The following PREP variants were observed in gnomAD, a reference collection of about 807,000 sequenced individuals.
PREP encodes dJ355L5.1 (prolyl endopeptidase).
A neutral mutation model predicts 87.6 loss-of-function variants in PREP; 29 were observed. The observed-to-expected ratio is 0.33, with a 90% confidence interval of 0.25 to 0.45. PREP has a LOEUF of 0.45. Ranked by LOEUF, PREP falls within the 20% of genes least tolerant of loss-of-function variation. The pLI is 1.00. For missense variants in PREP, 695 were observed against 886.5 expected (o/e 0.78, Z 2.74); for synonymous variants, 337 against 328.6 (o/e 1.03, Z -0.28).
Position 105,278,189 on chromosome 6 carries a change from C to T in PREP, c.2088G>A (p.Met696Ile). 6.2e-7 allele frequency: 1 copy of T among 1,614,116 alleles called. No individual in the cohort carries two copies. The highest frequency in any genetic ancestry group is 8.5e-7 in the Non-Finnish European group (1 of 1,179,964). The change falls in exon 15 of 15, where the codon ATG becomes ATA. Residue 696 changes from methionine (M) to isoleucine (I), a missense_variant. By Grantham distance (10) the Met-to-Ile change is conservative (BLOSUM62 1). Around this residue, in one of 5 missense-constraint regions of PREP, gnomAD observed 121 missense variants for 154.8 expected, o/e 0.78. Transcript: ENST00000652536. This position sits in a 1 kb window ranked among gnomAD's most constrained non-coding sequence, Gnocchi z 4.2. ...TAKVIEEVSD[M>I]FAFIARCLNV... The stretch of plus-strand genomic sequence containing the variant: ...TCAGGCACCGCGCGATGAACGCAAA[C>T]ATGTCTGAGACTTCCTCTATCACTT...
At position 105,328,893 on chromosome 6, in the gene PREP, T is replaced by G; in HGVS notation, c.1149A>C (p.Val383=). The stretch of plus-strand genomic sequence containing the variant: ...TGTCCTTCTTCTGACCGCTGTACCC[T>G]ACAATGCTGCCGACATCGAGCGGGA... The part of the protein sequence containing the change: ...KTFPLDVGSI[V]GYSGQKKDTE... Residue 383 remains valine (V), a synonymous_variant, in exon 9 of 15, where the codon GTA becomes GTC. Coordinates refer to ENST00000652536, the MANE Select transcript of PREP (RefSeq NM_002726.5). 1 of 1,614,126 alleles carries G rather than the reference T, an allele frequency of 6.2e-7. No homozygotes were observed.
intron 7 of PREP, among the ~76,000 whole-genome samples, chr6:105,339,140 G>A (rs1771563169): frequency 1.3e-5 from 2 of 152,202 alleles, no homozygotes; most frequent in African/African-American, 4.8e-5. Context: ...TCCCAGTAGG[G>A]GCTGATTGAC....
chr6:105,322,204 T>A, intron 10 of PREP: 3 of 767,286 alleles, frequency 3.9e-6, no homozygotes, highest in South Asian at 6.2e-5. Flanking sequence ...CCCTACAGGA[T>A]CTCCCTCCAG....
chr6:105,364,914 T>A (rs1037324418), intron 6 of PREP, among the ~76,000 whole-genome samples: 1 of 152,084 alleles, frequency 6.6e-6, no homozygotes, highest in African/African-American at 2.4e-5. Flanking sequence ...AACAATTAAA[T>A]AAAAGCAACA....
intron 10 of PREP, among the ~76,000 whole-genome samples, chr6:105,310,417 A>G (rs2756320): frequency 0.23 from 34,427 of 152,032 alleles, 8,021 homozygotes; most frequent in African/African-American, 0.6. Flanking sequence ...TTCAGCCCTC[A>G]TCAGCCCTAC....
At chr6:105,363,331 T>G (rs369194046) in intron 6 of PREP, among the ~76,000 whole-genome samples, 8 of 152,306 alleles carry the variant, frequency 5.3e-5, no homozygotes, top group African/African-American at 1.9e-4. Context: ...AGTGTTTGAT[T>G]TCTTTAGGAT....
At chr6:105,330,029 A>C (rs1771282968) in intron 8 of PREP, among the ~76,000 whole-genome samples, 1 of 152,168 alleles carries the variant, frequency 6.6e-6, no homozygotes, top group Non-Finnish European at 1.5e-5. Flanking sequence ...AAGGAATAGA[A>C]AGGACAGAAG....
intron 2 of PREP, among the ~76,000 whole-genome samples, chr6:105,397,140 G>A (rs1038800446): frequency 3.4e-5 from 5 of 145,266 alleles, no homozygotes; most frequent in African/African-American, 5.3e-5. Context: ...AGCCAAGATC[G>A]CACCAGTGCC....
At chr6:105,281,123 G>A (rs1770072187) in intron 14 of PREP, 1 of 152,232 alleles carries the variant, frequency 6.6e-6, no homozygotes, top group Non-Finnish European at 1.5e-5. Context: ...CAAAGTCAAG[G>A]TGTTGGCTGG....
intron 7 of PREP, among the ~76,000 whole-genome samples, chr6:105,335,999 T>G (rs1771467116): frequency 6.6e-6 from 1 of 152,268 alleles, no homozygotes; most frequent in Non-Finnish European, 1.5e-5. Context: ...GGCTCACATC[T>G]GTAATCCCAG....
At chr6:105,365,149 A>C (rs537606306) in intron 6 of PREP, among the ~76,000 whole-genome samples, 108 of 152,342 alleles carry the variant, frequency 7.1e-4, no homozygotes, top group African/African-American at 2.5e-3. Flanking sequence ...CGGGAGGCTG[A>C]GGCAAGAGAA....
chr6:105,382,312 C>CACAA (rs1463911418), intron 2 of PREP, among the ~76,000 whole-genome samples: 1 of 144,936 alleles, frequency 6.9e-6, no homozygotes, highest in African/African-American at 2.6e-5. Context: ...CACACACACA[C>CACAA]AAAGTATGTG....
At chr6:105,339,146 T>A (rs368044013) in intron 7 of PREP, among the ~76,000 whole-genome samples, 3 of 152,196 alleles carry the variant, frequency 2.0e-5, no homozygotes, top group Admixed American at 6.5e-5. Context: ...TAGGGGCTGA[T>A]TGACACCTCA....
chr6:105,296,840 T>C (rs183628994), intron 10 of PREP, among the ~76,000 whole-genome samples: 25 of 152,350 alleles, frequency 1.6e-4, no homozygotes, highest in Admixed American at 1.6e-3. Flanking sequence ...TTTTCTATAC[T>C]TGGCTGTCTC....
intron 6 of PREP, among the ~76,000 whole-genome samples, chr6:105,356,468 G>A (rs1395965630): frequency 7.2e-5 from 11 of 152,166 alleles, no homozygotes; most frequent in Admixed American, 5.9e-4. Context: ...ACAGTTAGCC[G>A]AAAACATGAG....
At chr6:105,292,341 T>C (rs1042832833) in intron 10 of PREP, among the ~76,000 whole-genome samples, 2 of 152,202 alleles carry the variant, frequency 1.3e-5, no homozygotes, top group East Asian at 1.9e-4. Flanking sequence ...AGAATGGATG[T>C]TGTGTTAGCA....
At position 105,277,809 on chromosome 6, in the gene PREP, T is replaced by G; in HGVS notation, c.*335A>C. On this transcript the variant is annotated 3_prime_UTR_variant, in exon 15 of 15. Transcript: ENST00000652536. Reference sequence around the variant, plus strand: ...TATTTAAAGATATAGAGGTTATGGATATAGATAAGTATGCCCGACTATGAT... The same window carrying G: ...TATTTAAAGATATAGAGGTTATGGAGATAGATAAGTATGCCCGACTATGAT... 1 of 304,622 alleles carries G rather than the reference T, an allele frequency of 3.3e-6. No homozygotes were observed. The highest frequency in any genetic ancestry group is 6.1e-6 in the Non-Finnish European group (1 of 163,484). The allele number at this position is 304,622 out of a possible 1,614,324, so 18.9% of individuals were successfully genotyped here. A position where few individuals can be genotyped will look rare whatever the true frequency, so the allele number is the denominator to read the frequency against.
intron 11 of PREP, among the ~76,000 whole-genome samples, chr6:105,287,083 C>G (rs1026981858): frequency 2.0e-5 from 3 of 151,708 alleles, no homozygotes; most frequent in Admixed American, 6.6e-5. Context: ...ATAATAAACC[C>G]CAACATTTAT....
intron 6 of PREP, among the ~76,000 whole-genome samples, chr6:105,367,671 CA>C (rs112161765): frequency 0.099 from 8,000 of 80,454 alleles, 172 homozygotes; most frequent in African/African-American, 0.12. Context: ...GACTCCGTCT[CA>C]AAAAAAAAAA....
Sources: gnomAD v4.1 joint callset for allele counts (sites outside exome capture counted in the v4.1 genomes callset) on GRCh38, gnomAD v4.1.1 for gene constraint, gnomAD v4.1.1 regional missense constraint, Gnocchi (gnomAD v3.1) non-coding constraint, MANE v1.5 for transcripts, NCBI Gene and HGNC (gene_info 2026-07-23, HGNC 2026-07-21) for gene names.